The following SNX8 variants were observed in gnomAD, a reference collection of about 807,000 sequenced individuals.
The protein encoded by SNX8 is sorting nexin-8.
A neutral mutation model predicts 51.6 loss-of-function variants in SNX8; 25 were observed. The observed-to-expected ratio is 0.48, with a 90% CI of 0.35 to 0.68. The LOEUF is 0.68. Ranked by LOEUF, SNX8 falls within the 30% of genes least tolerant of loss-of-function variation. The pLI is 0.00. For missense variants in SNX8, 695 were observed against 624.0 expected (o/e 1.11, Z -1.21); for synonymous variants, 324 against 277.0 (o/e 1.17, Z -1.68).
chr7:2,342,095 C>T (rs1259277494), intron 1 of SNX8, among the ~76,000 whole-genome samples: 1 of 151,338 alleles, frequency 6.6e-6, no homozygotes, highest in African/African-American at 2.4e-5. Flanking sequence ...AGGAGAATCG[C>T]TTGCATCTGG....
chr7:2,272,332 G>A (rs1795668476), intron 3 of SNX8, among the ~76,000 whole-genome samples: 1 of 152,060 alleles, frequency 6.6e-6, no homozygotes, highest in African/African-American at 2.4e-5. Context: ...GCAAACAAAT[G>A]GGTTTTGCTA....
intron 1 of SNX8, among the ~76,000 whole-genome samples, chr7:2,348,404 G>T (rs1261796849): frequency 3.4e-5 from 5 of 146,628 alleles, no homozygotes; most frequent in Admixed American, 1.4e-4. Context: ...GCAGTGGCGC[G>T]ATCTCGGCTC....
chr7:2,276,254 G>A (rs1178564897), intron 2 of SNX8, among the ~76,000 whole-genome samples: 5 of 152,316 alleles, frequency 3.3e-5, no homozygotes, highest in Admixed American at 2.6e-4. Flanking sequence ...GCCCCAGAAG[G>A]AAGGGGTGGC....
At chr7:2,305,466 T>A (rs1437146464) in intron 1 of SNX8, among the ~76,000 whole-genome samples, 2 of 152,016 alleles carry the variant, frequency 1.3e-5, no homozygotes, top group Admixed American at 1.3e-4. Context: ...TGGGTTCAAG[T>A]GATTCTCCTG....
At chr7:2,257,589 G>C (rs1265797221) in intron 8 of SNX8, 75 bp from the exon 9 acceptor site, 2 of 1,584,564 alleles carry the variant, frequency 1.3e-6, no homozygotes, top group Non-Finnish European at 1.7e-6. Context: ...GCCGAGGGAA[G>C]CACCCCCGCC....
intron 5 of SNX8, among the ~76,000 whole-genome samples, chr7:2,266,068 G>A (rs961394386): frequency 1.3e-5 from 2 of 152,174 alleles, no homozygotes; most frequent in Admixed American, 6.6e-5. Flanking sequence ...AATGACCTAC[G>A]ATTGCACCAC....
intron 5 of SNX8, among the ~76,000 whole-genome samples, chr7:2,268,642 T>G (rs1584679967): frequency 2.2e-5 from 2 of 90,056 alleles, no homozygotes; most frequent in African/African-American, 4.6e-5. Context: ...GTCTGGGAGG[T>G]GAGGGGCGCC....
At chr7:2,259,793 C>G (rs73675871) in intron 7 of SNX8, among the ~76,000 whole-genome samples, 2,437 of 152,210 alleles carry the variant, frequency 0.016, 66 homozygotes, top group African/African-American at 0.056. Context: ...CCTGGCCCAG[C>G]AGAAGAGGGG....
chr7:2,295,836 G>C (rs1393707906), intron 1 of SNX8, among the ~76,000 whole-genome samples: 1 of 152,100 alleles, frequency 6.6e-6, no homozygotes, highest in Non-Finnish European at 1.5e-5. Context: ...TTATTAACCA[G>C]GGCGTCCTTT....
chr7:2,291,200 T>A (rs922899570), intron 1 of SNX8, among the ~76,000 whole-genome samples: 1 of 151,954 alleles, frequency 6.6e-6, no homozygotes, highest in African/African-American at 2.4e-5. Flanking sequence ...CTTCCAAAGC[T>A]GAGGCAGGAG....
At chr7:2,287,328 C>A (rs1424126158) in intron 1 of SNX8, among the ~76,000 whole-genome samples, 1 of 151,336 alleles carries the variant, frequency 6.6e-6, no homozygotes, top group Non-Finnish European at 1.5e-5. Flanking sequence ...ACCTGTAATT[C>A]CAGTACTTTG....
chr7:2,270,364 G>A (rs992036187), intron 4 of SNX8, among the ~76,000 whole-genome samples: 6 of 146,128 alleles, frequency 4.1e-5, no homozygotes, highest in African/African-American at 1.5e-4. Flanking sequence ...AGCATGGTGC[G>A]TGCCTGTAGT....
chr7:2,264,623 CA>C (rs1795422257), intron 5 of SNX8, among the ~76,000 whole-genome samples, 165 bp from the exon 6 acceptor site: 1 of 152,000 alleles, frequency 6.6e-6, no homozygotes, highest in African/African-American at 2.4e-5. Flanking sequence ...TCTGTGTGTC[CA>C]AAAAAGAAAC....
chr7:2,287,169 G>A (rs1796048942), intron 1 of SNX8, among the ~76,000 whole-genome samples: 1 of 151,302 alleles, frequency 6.6e-6, no homozygotes, highest in Non-Finnish European at 1.5e-5. Flanking sequence ...TTTTCATAGA[G>A]ATAGGGTCTC....
chr7:2,284,396 C>CCTT (rs1554264055), intron 1 of SNX8, among the ~76,000 whole-genome samples: 2 of 88,908 alleles, frequency 2.2e-5, no homozygotes, highest in African/African-American at 8.9e-5. Flanking sequence ...CTTTTATTTC[C>CCTT]TTTTTTTTTT....
At chr7:2,321,260 C>G (rs1009508) in intron 1 of SNX8, among the ~76,000 whole-genome samples, 192 of 152,180 alleles carry the variant, frequency 1.3e-3, no homozygotes, top group Admixed American at 2.4e-3. Flanking sequence ...AGAATGCCGA[C>G]AGGAGAGAAA....
intron 1 of SNX8, among the ~76,000 whole-genome samples, chr7:2,348,155 A>T (rs1779068034): frequency 6.6e-6 from 1 of 152,076 alleles, no homozygotes. Flanking sequence ...CACACTGAAA[A>T]GGGCGGGCTA....
At chr7:2,304,916 C>T (rs1265677485) in intron 1 of SNX8, among the ~76,000 whole-genome samples, 1 of 152,172 alleles carries the variant, frequency 6.6e-6, no homozygotes, top group Non-Finnish European at 1.5e-5. Flanking sequence ...AAATTTCGGT[C>T]CTGAAGATAA....
chr7:2,337,824 T>C (rs1219020872), intron 1 of SNX8, among the ~76,000 whole-genome samples: 1 of 137,682 alleles, frequency 7.3e-6, no homozygotes, highest in Non-Finnish European at 1.6e-5. Context: ...ATAAAGGAAC[T>C]TCCTCAAGCA....
Sources: allele counts gnomAD v4.1 joint callset (sites outside exome capture counted in the v4.1 genomes callset), GRCh38; gene constraint gnomAD v4.1.1; transcripts MANE v1.5; gene names NCBI Gene and HGNC (gene_info 2026-07-23, HGNC 2026-07-21).